Variants in STARD9 observed in about 807,000 individuals in gnomAD.
STARD9 encodes stAR-related lipid transfer protein 9.
Under a neutral mutation model 399.8 loss-of-function variants are expected in STARD9, and 346 were observed. The observed-to-expected ratio is 0.87, with a 90% CI of 0.79 to 0.95. STARD9 has a LOEUF of 0.95. Among genes scored for constraint, STARD9 ranks in the 40% least tolerant of loss-of-function variants. The pLI, the probability that STARD9 is intolerant of heterozygous loss-of-function variation, is 0.00. For synonymous variants in STARD9, 2,203 were observed against 2,143.5 expected, an observed-to-expected ratio of 1.03 and a Z score of -0.77; for missense variants, 5,832 against 5,667.5, an observed-to-expected ratio of 1.03 and a Z score of -0.93.
chr15:42,650,750 G>T (rs1382616687), intron 7 of STARD9, among the ~76,000 whole-genome samples: 1 of 152,148 alleles, frequency 6.6e-6, no homozygotes, highest in Non-Finnish European at 1.5e-5. Flanking sequence ...AATTATAGTT[G>T]TTGTTAGCAT....
At chr15:42,605,795 G>A in intron 3 of STARD9, among the ~76,000 whole-genome samples, 1 of 152,192 alleles carries the variant, frequency 6.6e-6, no homozygotes, top group East Asian at 1.9e-4. Context: ...ATCTGACAGG[G>A]ATGGAAACCC....
chr15:42,634,648 C>T (rs1214641616), intron 3 of STARD9, among the ~76,000 whole-genome samples: 2 of 152,152 alleles, frequency 1.3e-5, no homozygotes, highest in East Asian at 3.8e-4. Flanking sequence ...TCTAGATACA[C>T]TAGGCACTTA....
intron 3 of STARD9, among the ~76,000 whole-genome samples, chr15:42,628,618 A>G (rs1016282318): frequency 1.3e-5 from 2 of 152,152 alleles, no homozygotes; most frequent in African/African-American, 4.8e-5. Context: ...AAGGTGAGAG[A>G]TAGGGGTCAA....
At chr15:42,708,152 C>CAA (rs112504145) in intron 26 of STARD9, among the ~76,000 whole-genome samples, 1 of 144,764 alleles carries the variant, frequency 6.9e-6, no homozygotes, top group Non-Finnish European at 1.5e-5. Flanking sequence ...GACCCTGTTT[C>CAA]AAAAAAAAAA....
At chr15:42,606,737 C>G (rs2058731155) in intron 3 of STARD9, among the ~76,000 whole-genome samples, 1 of 151,762 alleles carries the variant, frequency 6.6e-6, no homozygotes, top group Non-Finnish European at 1.5e-5. Flanking sequence ...GCTGGGATTA[C>G]AGGTGTAAGC....
In STARD9 at chr15:42,719,604, A is replaced by G; in HGVS notation, c.*30A>G. The G allele has an allele frequency of 1.4e-6, 2 of 1,383,658 alleles. No homozygotes were observed. Among genetic ancestry groups the G allele is most frequent in the Non-Finnish European group, 2.0e-6 (2 of 1,007,224 alleles). The allele number at this position is 1,383,658 out of a possible 1,614,324, so 85.7% of individuals were successfully genotyped here. A position where few individuals can be genotyped will look rare whatever the true frequency, so the allele number is the denominator to read the frequency against. Reference sequence around the variant, plus strand: ...TCACCGTCAAGATGGTGCTGCTGAGATGCAGGCCCAGGCTGCTCAAGAGAG... The same window carrying G: ...TCACCGTCAAGATGGTGCTGCTGAGGTGCAGGCCCAGGCTGCTCAAGAGAG... On this transcript the variant is annotated 3_prime_UTR_variant, in exon 33 of 33. Coordinates refer to ENST00000290607, the MANE Select transcript of STARD9 (RefSeq NM_020759.3).
At chr15:42,646,181 A>C (rs1404516616) in intron 7 of STARD9, among the ~76,000 whole-genome samples, 1 of 152,036 alleles carries the variant, frequency 6.6e-6, no homozygotes, top group Non-Finnish European at 1.5e-5. Flanking sequence ...AACAACAATA[A>C]TAATAATGAT....
chr15:42,623,442 T>C (rs2059132223), intron 3 of STARD9, among the ~76,000 whole-genome samples: 1 of 152,228 alleles, frequency 6.6e-6, no homozygotes, highest in South Asian at 2.1e-4. Context: ...GATAAGTTTG[T>C]TGTGGACTGA....
At chr15:42,638,604 C>G in intron 6 of STARD9, 96 bp from the exon 7 acceptor site, 1 of 770,724 alleles carries the variant, frequency 1.3e-6, no homozygotes, top group Middle Eastern at 3.8e-4. Context: ...AGAAGTGGAG[C>G]TGGAACAAGA....
chr15:42,630,477 T>G (rs1329345434), intron 3 of STARD9, among the ~76,000 whole-genome samples: 1 of 152,190 alleles, frequency 6.6e-6, no homozygotes, highest in Non-Finnish European at 1.5e-5. Flanking sequence ...AAGTATTCCC[T>G]TTTTCATTTT....
At position 42,691,718 on chromosome 15, in the gene STARD9, G is replaced by A. The variant is rs2060708836; in HGVS notation, c.10140G>A (p.Glu3380=). The change falls in exon 23 of 33, where the codon GAG becomes GAA. Residue 3380 remains glutamate (E), a synonymous_variant. Transcript: ENST00000290607. ...KSVARTSLQA[E]DSNQKASSRL... is the part of the protein sequence containing the mutation. ...TGGCAAGAACATCTCTGCAGGCTGAGGACAGCAATCAGAAAGCCTCATCTC... is the reference window on the plus strand; with the variant it reads ...TGGCAAGAACATCTCTGCAGGCTGAAGACAGCAATCAGAAAGCCTCATCTC... The A allele has an allele frequency of 6.5e-7, 1 of 1,537,264 alleles. No individual in the cohort carries two copies. Among genetic ancestry groups the A allele is most frequent in the South Asian group, 1.2e-5 (1 of 84,052 alleles).
intron 20 of STARD9, 116 bp downstream of exon 20, chr15:42,676,091 G>A: frequency 1.2e-6 from 1 of 826,116 alleles, no homozygotes; most frequent in Non-Finnish European, 2.0e-6. Flanking sequence ...AGGTCTGAAT[G>A]AGCCCTTGTC....
intron 20 of STARD9, among the ~76,000 whole-genome samples, chr15:42,679,562 A>G (rs75782255): frequency 6.6e-6 from 1 of 152,160 alleles, no homozygotes; most frequent in East Asian, 1.9e-4. Flanking sequence ...TATTCCACCT[A>G]TCACTCTTCA....
Position 42,687,999 on chromosome 15 carries a change from C to G in STARD9, c.6421C>G (p.His2141Asp). The G allele has an allele frequency of 6.5e-7, 1 of 1,537,478 alleles. No individual in the cohort carries two copies. Among genetic ancestry groups the G allele is most frequent in the Non-Finnish European group, 8.7e-7 (1 of 1,146,970 alleles). Residue 2141 changes from histidine (H) to aspartate (D), a missense_variant, in exon 23 of 33, where the codon CAT (histidine) becomes GAT (aspartate). Physicochemically the swap from His to Asp is moderately conservative, Grantham distance 81 (BLOSUM62 -1). Around this residue, in one of 2 missense-constraint regions of STARD9, gnomAD observed 5,828 missense variants for 5,651.1 expected, o/e 1.03. Coordinates refer to ENST00000290607, the MANE Select transcript of STARD9 (RefSeq NM_020759.3). ...GAMEVNSIGN[H>D]PQVQKITPNP... is the part of the protein sequence containing the mutation. Reference sequence around the variant, plus strand: ...GATGGAGGTTAACAGCATTGGGAACCATCCCCAGGTCCAGAAAATCACCCC... The same window carrying G: ...GATGGAGGTTAACAGCATTGGGAACGATCCCCAGGTCCAGAAAATCACCCC...
intron 26 of STARD9, among the ~76,000 whole-genome samples, chr15:42,707,245 G>A (rs2061108177): frequency 6.6e-6 from 1 of 152,154 alleles, no homozygotes; most frequent in Non-Finnish European, 1.5e-5. Context: ...AACCATTACA[G>A]GTTCCTATGA....
rs565472380 is a variant in STARD9 at position 42,686,916 on chromosome 15, T to C, written c.5338T>C (p.Trp1780Arg). 3.1e-5 allele frequency: 48 copies of C among 1,536,848 alleles called. No homozygotes were observed. The part of the protein sequence containing the change: ...RVPSPPPREA[W>R]GFGHNHQALQ... Reference sequence around the variant, plus strand: ...ACCCTCCCCACCCCCCAGGGAAGCCTGGGGCTTTGGTCACAACCACCAAGC... The same window carrying C: ...ACCCTCCCCACCCCCCAGGGAAGCCCGGGGCTTTGGTCACAACCACCAAGC... Residue 1780 changes from tryptophan to arginine, a missense_variant, in exon 23 of 33, where the codon TGG becomes CGG. Around this residue, in one of 2 missense-constraint regions of STARD9, gnomAD observed 5,828 missense variants for 5,651.1 expected, o/e 1.03. Coordinates refer to ENST00000290607, the MANE Select transcript of STARD9 (RefSeq NM_020759.3).
rs531218190 is a variant in STARD9 at position 42,667,339 on chromosome 15, C to T, written c.1317+1491C>T. ...AGCTGGGATTACAGGCTCACGCCAC[C>T]ACGCCCGACTAATTTTTGTATCTTT... On this transcript the variant is annotated intron_variant, in intron 15 of 32. Transcript: ENST00000290607. Among the ~76,000 whole-genome samples the T allele has an allele frequency of 1.1e-3, 167 of 151,958 alleles. 1 individual carries two copies. Among genetic ancestry groups the T allele is most frequent in the African/African-American group, 3.9e-3 (161 of 41,422 alleles).
rs2060818256 is a variant in STARD9, at chr15:42,695,286, T to A, written c.13109T>A (p.Leu4370Gln). Residue 4370 changes from leucine (L) to glutamine (Q), a missense_variant, in exon 25 of 33, where the codon CTG becomes CAG. Leu to Gln is a moderately radical substitution (Grantham distance 113). Transcript: ENST00000290607. ...CGGGAGCGGACTGAACAAGAGAAGC[T>A]GAGAATCCACCAGAAGATCATTTCC... Reference protein sequence around the residue: ...QLRERTEQEKLRIHQKIISQL... With the variant: ...QLRERTEQEKQRIHQKIISQL... 6.5e-7 allele frequency: 1 copy of A among 1,536,602 alleles called. No individual in the cohort carries two copies. Among genetic ancestry groups the A allele is most frequent in the East Asian group, 2.4e-5 (1 of 40,894 alleles).
At chr15:42,626,849 T>C (rs2059236743) in intron 3 of STARD9, among the ~76,000 whole-genome samples, 2 of 151,426 alleles carry the variant, frequency 1.3e-5, no homozygotes, top group South Asian at 2.1e-4. Context: ...GTTTTTGATA[T>C]CAGTTTTTTT....
Sources: allele counts gnomAD v4.1 joint callset (sites outside exome capture counted in the v4.1 genomes callset), GRCh38; gene constraint gnomAD v4.1.1; regional missense constraint gnomAD v4.1.1; transcripts MANE v1.5; gene names NCBI Gene and HGNC (gene_info 2026-07-23, HGNC 2026-07-21).